UIMC1: variants seen among roughly 807,000 people sequenced by gnomAD.
UIMC1 encodes BRCA1-A complex subunit RAP80.
In UIMC1, 42 loss-of-function variants were observed where a neutral mutation model predicts 84.9. The observed-to-expected ratio is 0.49, with a 90% confidence interval of 0.39 to 0.64. The LOEUF is 0.64. Ranked by LOEUF, UIMC1 falls within the 30% of genes least tolerant of loss-of-function variation. UIMC1 has a pLI of 0.00. For synonymous variants in UIMC1, 281 were observed against 293.0 expected (o/e 0.96, Z 0.42); for missense variants, 825 against 847.6 (o/e 0.97, Z 0.33).
At chr5:177,015,495 G>A (rs914758904) in intron 1 of UIMC1, among the ~76,000 whole-genome samples, 2 of 152,186 alleles carry the variant, frequency 1.3e-5, no homozygotes, top group Admixed American at 1.3e-4. Flanking sequence ...GTGGCCCAGC[G>A]GGGCATGTAG....
chr5:176,991,728 C>T (rs1008801544), intron 1 of UIMC1, among the ~76,000 whole-genome samples: 2 of 151,134 alleles, frequency 1.3e-5, no homozygotes, highest in East Asian at 3.9e-4. Flanking sequence ...GTCAGGAGAT[C>T]GAAACCATCC....
At chr5:176,964,662 T>C (rs1314729683) in intron 6 of UIMC1, among the ~76,000 whole-genome samples, 1 of 152,226 alleles carries the variant, frequency 6.6e-6, no homozygotes, top group Non-Finnish European at 1.5e-5. Flanking sequence ...TAATATGATC[T>C]GAACCATACA....
intron 1 of UIMC1, among the ~76,000 whole-genome samples, chr5:176,997,688 A>AAG (rs1773821769): frequency 8.1e-6 from 1 of 122,724 alleles, no homozygotes; most frequent in African/African-American, 4.5e-5. Context: ...CTGTCTCAAA[A>AAG]AAAAAAAAAA....
chr5:176,997,116 T>C (rs1157506120), intron 1 of UIMC1, among the ~76,000 whole-genome samples: 1 of 148,612 alleles, frequency 6.7e-6, no homozygotes, highest in Non-Finnish European at 1.5e-5. Flanking sequence ...TCCAGCCCTG[T>C]ACAGAACCAA....
Position 176,905,007 on chromosome 5 carries a change from T to C in UIMC1, c.*275A>G. 1 of 304,894 alleles carries C rather than the reference T, an allele frequency of 3.3e-6. No individual in the cohort carries two copies. The highest frequency in any genetic ancestry group is 6.1e-6 in the Non-Finnish European group (1 of 163,610). 18.9% of individuals were successfully genotyped at this position (304,894 alleles called of 1,614,324 possible). On this transcript the variant is annotated 3_prime_UTR_variant, in exon 15 of 15. Coordinates refer to ENST00000511320, the MANE Select transcript of UIMC1 (RefSeq NM_001199298.2). ...CCTGCAACATGAAGGAAAAAAAAAT[T>C]AAAATTTCCATCTATTGAAATAAGA... is the stretch of plus-strand genomic sequence containing the variant.
intron 4 of UIMC1, chr5:176,970,391 T>C (rs1242040050): frequency 3.5e-6 from 1 of 283,382 alleles, no homozygotes; most frequent in East Asian, 8.9e-5. Context: ...CTAGTTCTCA[T>C]TCCCTTTGCT....
chr5:176,974,570 G>A (rs1250341229), intron 3 of UIMC1, among the ~76,000 whole-genome samples: 5 of 152,128 alleles, frequency 3.3e-5, no homozygotes, highest in Non-Finnish European at 7.3e-5. Flanking sequence ...TTCTAGCCAG[G>A]CATGGTGGCT....
intron 13 of UIMC1, 123 bp downstream of exon 13, chr5:176,906,991 G>A: frequency 1.1e-6 from 1 of 932,586 alleles, no homozygotes; most frequent in Non-Finnish European, 1.6e-6. Flanking sequence ...AGTCTCAAAG[G>A]CTGGCTGACT....
rs116189953 is a variant in UIMC1 at position 176,940,901 on chromosome 5, C to T, written c.1597+2434G>A. Reference sequence around the variant, plus strand: ...GGTAATTATTATTATTTCACAGATGCATAAAGGGAAGCTTGGAAATTAGCA... The same window carrying T: ...GGTAATTATTATTATTTCACAGATGTATAAAGGGAAGCTTGGAAATTAGCA... On this transcript the variant is annotated intron_variant, in intron 10 of 14. Coordinates refer to ENST00000511320, the MANE Select transcript of UIMC1 (RefSeq NM_001199298.2). 9.4e-3 allele frequency among the ~76,000 whole-genome samples: 1,431 copies of T among 152,240 alleles called. 26 individuals carry two copies. The highest frequency in any genetic ancestry group is 0.033 in the African/African-American group (1,353 of 41,538).
At chr5:177,019,626 G>A (rs1169969985) in intron 1 of UIMC1, among the ~76,000 whole-genome samples, 11 of 128,456 alleles carry the variant, frequency 8.6e-5, no homozygotes, top group African/African-American at 2.5e-4. Flanking sequence ...ACCCTGTCTC[G>A]GAAAAAAAAA....
chr5:177,007,492 A>G (rs957565186), upstream of UIMC1, among the ~76,000 whole-genome samples: 246 of 152,328 alleles, frequency 1.6e-3, 1 homozygote, highest in African/African-American at 5.7e-3. Context: ...TAAAACACCA[A>G]ATGTCCCTAC....
chr5:177,011,803 A>ATT (rs1173625143), intron 1 of UIMC1, among the ~76,000 whole-genome samples: 6 of 143,732 alleles, frequency 4.2e-5, no homozygotes, highest in East Asian at 2.0e-4. Flanking sequence ...TGAAGATTTA[A>ATT]TTTTTTTTTT....
At chr5:176,913,672 A>G (rs1035069788) in intron 10 of UIMC1, among the ~76,000 whole-genome samples, 1 of 152,172 alleles carries the variant, frequency 6.6e-6, no homozygotes, top group African/African-American at 2.4e-5. Context: ...ACCCTCCCAA[A>G]TTATCTTCAA....
At chr5:176,940,577 T>C (rs1356457351) in intron 10 of UIMC1, among the ~76,000 whole-genome samples, 1 of 147,282 alleles carries the variant, frequency 6.8e-6, no homozygotes. Context: ...AACACTCAGC[T>C]AAAAAAAAAA....
intron 1 of UIMC1, among the ~76,000 whole-genome samples, chr5:177,012,159 C>G (rs1775563236): frequency 1.3e-5 from 2 of 152,146 alleles, no homozygotes; most frequent in Admixed American, 6.6e-5. Context: ...GTCCTGGTTC[C>G]TAGCATCGAA....
chr5:176,955,319 C>T (rs1002056906), intron 8 of UIMC1, among the ~76,000 whole-genome samples: 1 of 152,102 alleles, frequency 6.6e-6, no homozygotes, highest in Non-Finnish European at 1.5e-5. Flanking sequence ...AAGCACTTAA[C>T]GAGGTTAAGC....
chr5:176,985,910 A>G (rs2149513034), intron 1 of UIMC1, among the ~76,000 whole-genome samples: 1 of 152,318 alleles, frequency 6.6e-6, no homozygotes, highest in East Asian at 1.9e-4. Context: ...TCATGTTTAA[A>G]GGTACAAGAC....
upstream of UIMC1, among the ~76,000 whole-genome samples, chr5:177,011,279 C>T (rs765119171): frequency 6.6e-6 from 1 of 152,052 alleles, no homozygotes; most frequent in African/African-American, 2.4e-5. Context: ...GTGATACATA[C>T]CAGTAGTCCC....
chr5:176,928,764 A>T (rs545837649), intron 10 of UIMC1, among the ~76,000 whole-genome samples: 1 of 152,210 alleles, frequency 6.6e-6, no homozygotes, highest in South Asian at 2.1e-4. Flanking sequence ...ATCCTGGCTA[A>T]CATGGTGAAA....
Sources: allele counts gnomAD v4.1 joint callset (sites outside exome capture counted in the v4.1 genomes callset), GRCh38; gene constraint gnomAD v4.1.1; transcripts MANE v1.5; gene names NCBI Gene and HGNC (gene_info 2026-07-23, HGNC 2026-07-21).